The following NALF1 variants were observed in gnomAD, a reference collection of about 807,000 sequenced individuals.
The protein encoded by NALF1 is family with sequence similarity 155 member A.
NALF1 carries 3 observed loss-of-function variants against 48.4 expected under a neutral mutation model. The observed-to-expected ratio is 0.06, with a 90% CI of 0.03 to 0.16. The LOEUF is 0.16. Among genes scored for constraint, NALF1 ranks in the 10% least tolerant of loss-of-function variants. NALF1 has a pLI of 1.00. For missense variants in NALF1, 526 were observed against 571.5 expected (o/e 0.92, Z 0.81); for synonymous variants, 262 against 245.7 (o/e 1.07, Z -0.62).
chr13:107,476,231 G>A lies in NALF1; in HGVS notation c.916-265476C>T, dbSNP rs552296438. 4.6e-5 allele frequency among the ~76,000 whole-genome samples: 7 copies of A among 152,156 alleles called. No homozygotes were observed. In the East Asian group the frequency reaches 9.7e-4, roughly 21 times the overall value. On this transcript the variant is annotated intron_variant, in intron 1 of 2. Coordinates refer to ENST00000375915, the MANE Select transcript of NALF1 (RefSeq NM_001080396.3). The stretch of plus-strand genomic sequence containing the variant: ...AAGTCTAATTTGATGTCTCATGCAC[G>A]CAAATAACCTTTCTTATCAAATCCA...
intron 1 of NALF1, among the ~76,000 whole-genome samples, chr13:107,686,379 TTTATTA>T (rs144499963): frequency 9.3e-5 from 14 of 149,778 alleles, no homozygotes; most frequent in Non-Finnish European, 1.9e-4. Context: ...TTATTATTTA[TTTATTA>T]TTATTATTAT....
rs143483816 is a variant in NALF1 at position 107,224,989 on chromosome 13, T to TTTTTA, written c.916-14239_916-14235dup. ...AGTGGGAATATTCAGGTAACATTTA[T>TTTTTA]TTTTATTTTATTTTATTTTATTTTG... On this transcript the variant is annotated intron_variant, in intron 1 of 2. Coordinates refer to ENST00000375915, the MANE Select transcript of NALF1 (RefSeq NM_001080396.3). Among the ~76,000 whole-genome samples the TTTTTA allele has an allele frequency of 5.9e-3, 887 of 151,366 alleles. 16 individuals carry two copies. Among genetic ancestry groups the TTTTTA allele is most frequent in the African/African-American group, 0.02 (829 of 41,296 alleles).
chr13:107,585,428 G>C (rs1878429411), intron 1 of NALF1, among the ~76,000 whole-genome samples: 1 of 151,996 alleles, frequency 6.6e-6, no homozygotes, highest in African/African-American at 2.4e-5. Context: ...TTCACCCTTA[G>C]TCAAGGCCAA....
At chr13:107,670,815 G>A (rs1250257620) in intron 1 of NALF1, among the ~76,000 whole-genome samples, 1 of 152,120 alleles carries the variant, frequency 6.6e-6, no homozygotes, top group Non-Finnish European at 1.5e-5. Context: ...TCCTATACTT[G>A]CTTAAGAGTA....
intron 1 of NALF1, among the ~76,000 whole-genome samples, chr13:107,286,373 C>T (rs1881492705): frequency 6.6e-6 from 1 of 152,050 alleles, no homozygotes; most frequent in African/African-American, 2.4e-5. Flanking sequence ...GTGACTCGTG[C>T]CCGTAGCTCC....
At chr13:107,557,650 T>C (rs1270119661) in intron 1 of NALF1, among the ~76,000 whole-genome samples, 1 of 152,118 alleles carries the variant, frequency 6.6e-6, no homozygotes. Flanking sequence ...AAGCACAGCC[T>C]TTTTGAGATG....
intron 1 of NALF1, among the ~76,000 whole-genome samples, chr13:107,330,725 A>G (rs1882453389): frequency 6.6e-6 from 1 of 152,210 alleles, no homozygotes; most frequent in African/African-American, 2.4e-5. Context: ...ATTGTTTCAT[A>G]TTTGTGTACA....
intron 1 of NALF1, among the ~76,000 whole-genome samples, chr13:107,213,436 C>T (rs143495456): frequency 6.6e-6 from 1 of 152,108 alleles, no homozygotes; most frequent in Non-Finnish European, 1.5e-5. Context: ...GAGCTACCTC[C>T]TGGGCTTTGA....
chr13:107,477,690 CT>C (rs903908830), intron 1 of NALF1, among the ~76,000 whole-genome samples: 1 of 151,812 alleles, frequency 6.6e-6, no homozygotes, highest in East Asian at 1.9e-4. Context: ...TTCCAGGACT[CT>C]TTTTTTTAAA....
chr13:107,196,782 T>C (rs1879400992), intron 2 of NALF1, among the ~76,000 whole-genome samples: 1 of 152,164 alleles, frequency 6.6e-6, no homozygotes, highest in African/African-American at 2.4e-5. Flanking sequence ...TGAGGACTAA[T>C]AATAGCGTAT....
intron 1 of NALF1, among the ~76,000 whole-genome samples, chr13:107,400,389 T>C (rs929514194): frequency 6.6e-6 from 1 of 152,028 alleles, no homozygotes; most frequent in African/African-American, 2.4e-5. Context: ...CAACCTTGCT[T>C]TTTGGCAGTA....
chr13:107,714,191 T>A (rs1483294360), intron 1 of NALF1, among the ~76,000 whole-genome samples: 1 of 152,216 alleles, frequency 6.6e-6, no homozygotes, highest in African/African-American at 2.4e-5. Context: ...ATAAAGAATC[T>A]TTTTCATGAC....
intron 1 of NALF1, among the ~76,000 whole-genome samples, chr13:107,349,208 G>T (rs564476670): frequency 6.6e-6 from 1 of 152,096 alleles, no homozygotes; most frequent in African/African-American, 2.4e-5. Context: ...GAGAAAAATC[G>T]CTTCTTTCTT....
chr13:107,304,698 G>A (rs775666178), intron 1 of NALF1, among the ~76,000 whole-genome samples: 1 of 152,370 alleles, frequency 6.6e-6, no homozygotes, highest in South Asian at 2.1e-4. Context: ...AGAGTTAAGT[G>A]AGAAAGTACA....
At chr13:107,560,719 C>G (rs567758524) in intron 1 of NALF1, among the ~76,000 whole-genome samples, 39 of 152,148 alleles carry the variant, frequency 2.6e-4, no homozygotes, top group Non-Finnish European at 4.9e-4. Flanking sequence ...TCTATGCTCC[C>G]CCACTGGTCT....
intron 1 of NALF1, among the ~76,000 whole-genome samples, chr13:107,332,659 A>G (rs1202712674): frequency 6.6e-6 from 1 of 152,230 alleles, no homozygotes; most frequent in African/African-American, 2.4e-5. Flanking sequence ...TAAATAAAAA[A>G]GTAAATTTAA....
intron 1 of NALF1, among the ~76,000 whole-genome samples, chr13:107,679,027 GTCTTTAAGGCCCTT>G (rs1350586709): frequency 6.6e-6 from 1 of 152,094 alleles, no homozygotes; most frequent in African/African-American, 2.4e-5. Flanking sequence ...TCCGTAAAAG[GTCTTTAAGGCCCTT>G]TAAAGGATTG....
At chr13:107,228,522 T>A (rs1331383832) in intron 1 of NALF1, among the ~76,000 whole-genome samples, 5 of 152,214 alleles carry the variant, frequency 3.3e-5, no homozygotes, top group Non-Finnish European at 7.3e-5. Flanking sequence ...CGTTGTCACA[T>A]GTATCTCAAA....
At chr13:107,645,015 T>G (rs935853454) in intron 1 of NALF1, among the ~76,000 whole-genome samples, 2 of 152,184 alleles carry the variant, frequency 1.3e-5, no homozygotes, top group African/African-American at 2.4e-5. Context: ...ATTGTATAAA[T>G]GTACTACAAT....
Sources: allele counts gnomAD v4.1 joint callset (sites outside exome capture counted in the v4.1 genomes callset), GRCh38; gene constraint gnomAD v4.1.1; transcripts MANE v1.5; gene names NCBI Gene and HGNC (gene_info 2026-07-23, HGNC 2026-07-21).